The following ADAM23 variants were observed in gnomAD, a reference collection of about 807,000 sequenced individuals.
The protein encoded by ADAM23 is ADAM metallopeptidase domain 23, also known as disintegrin and metalloproteinase domain-containing protein 23.
In ADAM23, 33 loss-of-function variants were observed where a neutral mutation model predicts 120.1. The ratio of observed to expected loss-of-function variants is 0.27; its 90% CI spans 0.21 to 0.37. The LOEUF (loss-of-function observed/expected upper bound fraction) is 0.37. Ranked by LOEUF, ADAM23 falls within the 10% of genes least tolerant of loss-of-function variation. The probability of loss-of-function intolerance (pLI) is 1.00; values close to 1 mark genes in which losing one functional copy is unlikely to be tolerated. For synonymous variants in ADAM23, 367 were observed against 375.2 expected (o/e 0.98, Z 0.25); for missense variants, 862 against 1,058.2 (o/e 0.81, Z 2.57).
intron 3 of ADAM23, among the ~76,000 whole-genome samples, chr2:206,483,076 C>T (rs1695930057): frequency 6.6e-6 from 1 of 152,102 alleles, no homozygotes; most frequent in Non-Finnish European, 1.5e-5. Flanking sequence ...ATCCCCTAGA[C>T]TGAAAAATCA....
chr2:206,445,074 T>G (rs533731354), intron 1 of ADAM23, among the ~76,000 whole-genome samples: 1 of 149,786 alleles, frequency 6.7e-6, no homozygotes. Context: ...TCAAAATAAA[T>G]AGTGCACAGT....
intron 3 of ADAM23, among the ~76,000 whole-genome samples, chr2:206,498,078 A>G (rs1402390243): frequency 6.6e-6 from 1 of 152,148 alleles, no homozygotes; most frequent in Non-Finnish European, 1.5e-5. Context: ...ATACTGCCCA[A>G]GGTAATTTAT....
At chr2:206,492,235 A>G (rs1047260742) in intron 3 of ADAM23, among the ~76,000 whole-genome samples, 2 of 152,212 alleles carry the variant, frequency 1.3e-5, no homozygotes, top group South Asian at 2.1e-4. Flanking sequence ...TTATGGAGCT[A>G]AATGTCTCAA....
At position 206,456,688 on chromosome 2, in the gene ADAM23, T is replaced by TA. The variant is rs957774868; in HGVS notation, c.432+11174dup. Among the ~76,000 whole-genome samples, 853 of 149,858 alleles carry TA rather than the reference T, an allele frequency of 5.7e-3. 6 individuals are homozygous for TA. Among genetic ancestry groups the TA allele is most frequent in the African/African-American group, 0.019 (781 of 40,994 alleles). On this transcript the variant is annotated intron_variant, in intron 2 of 25. Transcript: ENST00000264377. The stretch of plus-strand genomic sequence containing the variant: ...CAGTGAGGGAGTCATCCTGCCACAT[T>TA]AAAAAAAAAATCTTAGATGGTAGTG...
intron 2 of ADAM23, among the ~76,000 whole-genome samples, chr2:206,449,190 G>T (rs1449407778): frequency 6.6e-6 from 1 of 152,190 alleles, no homozygotes; most frequent in East Asian, 1.9e-4. Flanking sequence ...GTTAAGTGTT[G>T]TGTGAGACTA....
chr2:206,549,089 G>T (rs1288850438), intron 8 of ADAM23, among the ~76,000 whole-genome samples: 1 of 151,710 alleles, frequency 6.6e-6, no homozygotes, highest in Non-Finnish European at 1.5e-5. Context: ...TACATTACAT[G>T]GTAATTTACT....
chr2:206,565,889 C>T (rs1697866938), intron 14 of ADAM23, among the ~76,000 whole-genome samples: 1 of 152,130 alleles, frequency 6.6e-6, no homozygotes, highest in Non-Finnish European at 1.5e-5. Context: ...TTTCTTCCAC[C>T]AGCCCTCCTA....
intron 3 of ADAM23, among the ~76,000 whole-genome samples, chr2:206,500,144 A>G (rs1696357363): frequency 1.3e-5 from 2 of 152,158 alleles, no homozygotes; most frequent in Admixed American, 1.3e-4. Flanking sequence ...ATATAAGGCT[A>G]GCTTAATGCC....
chr2:206,608,118 G>A, intron 24 of ADAM23: 1 of 313,220 alleles, frequency 3.2e-6, no homozygotes, highest in Non-Finnish European at 6.2e-6. Context: ...ACAGAAGTTA[G>A]CAAACTTCTG....
At chr2:206,568,722 A>C (rs1697937335) in intron 15 of ADAM23, among the ~76,000 whole-genome samples, 1 of 152,216 alleles carries the variant, frequency 6.6e-6, no homozygotes. Flanking sequence ...TTTCTTTTTA[A>C]AATACTACTT....
At chr2:206,490,158 T>C (rs553591657) in intron 3 of ADAM23, among the ~76,000 whole-genome samples, 1 of 152,196 alleles carries the variant, frequency 6.6e-6, no homozygotes, top group African/African-American at 2.4e-5. Flanking sequence ...GGAAAGACCA[T>C]GTGAAGACAC....
intron 3 of ADAM23, among the ~76,000 whole-genome samples, chr2:206,522,584 T>C (rs1696865531): frequency 6.6e-6 from 1 of 152,210 alleles, no homozygotes; most frequent in East Asian, 1.9e-4. Context: ...AAGCTGATCA[T>C]GGATCCTCTT....
intron 3 of ADAM23, among the ~76,000 whole-genome samples, chr2:206,501,429 G>A (rs2105893797): frequency 6.6e-6 from 1 of 151,924 alleles, no homozygotes; most frequent in East Asian, 1.9e-4. Context: ...CTGAGCATTA[G>A]GCTACTTCAT....
chr2:206,512,786 T>C (rs1696651398), intron 3 of ADAM23, among the ~76,000 whole-genome samples: 1 of 152,206 alleles, frequency 6.6e-6, no homozygotes. Flanking sequence ...TTGAAGGTTT[T>C]TGGGAGCCGT....
intron 17 of ADAM23, 112 bp from the exon 18 acceptor site, chr2:206,573,003 G>GT (rs1340885447): frequency 9.5e-7 from 1 of 1,048,056 alleles, no homozygotes; most frequent in African/African-American, 1.6e-5. Context: ...CTTAAAAAGA[G>GT]TTTGGTGTTA....
Position 206,573,161 on chromosome 2 carries a change from A to G in ADAM23, c.1703A>G (p.Asp568Gly). The G allele has an allele frequency of 6.2e-7, 1 of 1,613,978 alleles. No homozygotes were observed. The highest frequency in any genetic ancestry group is 8.5e-7 in the Non-Finnish European group (1 of 1,179,886). ...TGCCGGGATGCTGTGAACGAGTGTG[A>G]TATTACTGAATATTGTACTGGAGAC... ...YECRDAVNEC[D>G]ITEYCTGDSG... Residue 568 changes from aspartate to glycine, a missense_variant, in exon 18 of 26, where the codon GAT becomes GGT. Transcript: ENST00000264377.
intron 24 of ADAM23, chr2:206,606,777 C>G (rs999563607): frequency 1.3e-5 from 2 of 152,068 alleles, no homozygotes; most frequent in African/African-American, 4.8e-5. Flanking sequence ...TTTTTCTTCT[C>G]TCTCTAATTA....
intron 2 of ADAM23, among the ~76,000 whole-genome samples, chr2:206,446,262 G>A (rs1234466885): frequency 6.6e-6 from 1 of 152,174 alleles, no homozygotes; most frequent in Admixed American, 6.5e-5. Context: ...AAGAGTTTAA[G>A]GGATCTTTTT....
At chr2:206,579,925 G>GT (rs547535077) in intron 18 of ADAM23, among the ~76,000 whole-genome samples, 41 of 150,368 alleles carry the variant, frequency 2.7e-4, no homozygotes, top group African/African-American at 9.7e-4. Flanking sequence ...TAGTATAGAG[G>GT]TTTTTTGACC....
Sources: gnomAD v4.1 joint callset for allele counts (sites outside exome capture counted in the v4.1 genomes callset) on GRCh38, gnomAD v4.1.1 for gene constraint, MANE v1.5 for transcripts, NCBI Gene and HGNC (gene_info 2026-07-23, HGNC 2026-07-21) for gene names.